KDM2A: variants seen among roughly 807,000 people sequenced by gnomAD.
KDM2A encodes lysine-specific demethylase 2A.
Under a neutral mutation model 137.3 loss-of-function variants are expected in KDM2A, and 3 were observed. That is an observed-to-expected ratio of 0.02 (90% CI 0.01 to 0.06). KDM2A has a LOEUF of 0.06. KDM2A is among the 10% of genes least tolerant of loss of function. The pLI, the probability that KDM2A is intolerant of heterozygous loss-of-function variation, is 1.00. For synonymous variants in KDM2A, 512 were observed against 541.5 expected, an observed-to-expected ratio of 0.95 and a Z score of 0.76; for missense variants, 738 against 1,510.6, an observed-to-expected ratio of 0.49 and a Z score of 8.48.
chr11:67,138,050 C>T (rs920879277), intron 2 of KDM2A, among the ~76,000 whole-genome samples: 2 of 152,120 alleles, frequency 1.3e-5, no homozygotes, highest in Admixed American at 1.3e-4. Context: ...CCTGCCTCAG[C>T]CTCCCAAAGT....
chr11:67,197,780 A>G (rs1857516215), intron 5 of KDM2A, among the ~76,000 whole-genome samples: 1 of 152,188 alleles, frequency 6.6e-6, no homozygotes, highest in African/African-American at 2.4e-5. Context: ...AGTGCTTAGA[A>G]CAGTGTCTGG....
At chr11:67,227,362 T>C (rs1402502733) in intron 10 of KDM2A, among the ~76,000 whole-genome samples, 1 of 152,178 alleles carries the variant, frequency 6.6e-6, no homozygotes, top group Non-Finnish European at 1.5e-5. Context: ...ATGTCCTGTT[T>C]TTCCATGAGA....
intron 10 of KDM2A, among the ~76,000 whole-genome samples, chr11:67,221,845 G>A (rs1858361357): frequency 6.6e-6 from 1 of 151,782 alleles, no homozygotes; most frequent in African/African-American, 2.4e-5. Flanking sequence ...TGAGGTGAGA[G>A]GATTGCTTGA....
chr11:67,181,717 T>A (rs1857095207), intron 4 of KDM2A, 129 bp from the exon 5 acceptor site: 4 of 718,714 alleles, frequency 5.6e-6, no homozygotes, highest in African/African-American at 1.8e-5. Context: ...CCTATATTTT[T>A]AAAATAATTT....
Position 67,245,375 on chromosome 11 carries a change from G to A in KDM2A, c.1750G>A (p.Val584Ile), listed in dbSNP as rs1426911656. The A allele has an allele frequency of 6.2e-7, 1 of 1,614,020 alleles. No individual in the cohort carries two copies. Among genetic ancestry groups the A allele is most frequent in the South Asian group, 1.1e-5 (1 of 91,086 alleles). The change falls in exon 14 of 21, where the codon GTT (valine) becomes ATT (isoleucine). Residue 584 changes from valine (V) to isoleucine (I), a missense_variant. Physicochemically the swap from Val to Ile is conservative, Grantham distance 29. Coordinates refer to ENST00000529006, the MANE Select transcript of KDM2A (RefSeq NM_012308.3). The surrounding 1 kb of genome is among the most constrained non-coding windows in gnomAD (Gnocchi z 4.1). ...CKACVQGECG[V>I]CHYCRDMKKF... ...AGCCTGTGTGCAAGGAGAGTGTGGT[G>A]TTTGCCACTACTGCAGAGACATGAA...
chr11:67,229,901 G>T (rs1306574685), intron 11 of KDM2A, among the ~76,000 whole-genome samples: 4 of 150,880 alleles, frequency 2.7e-5, no homozygotes, highest in Non-Finnish European at 5.9e-5. Context: ...TCTAGGCCGG[G>T]TGTGGTGGCT....
intron 2 of KDM2A, among the ~76,000 whole-genome samples, chr11:67,154,292 A>G (rs913404215): frequency 6.6e-6 from 1 of 152,220 alleles, no homozygotes; most frequent in Admixed American, 6.5e-5. Context: ...AAATTGAGGT[A>G]AAATTTGTGT....
In KDM2A at chr11:67,250,191, T is replaced by C. The variant is rs1263131795; in HGVS notation, c.2161T>C (p.Ser721Pro). 1.9e-6 allele frequency: 3 copies of C among 1,613,726 alleles called. No individual in the cohort carries two copies. The highest frequency in any genetic ancestry group is 2.5e-6 in the Non-Finnish European group (3 of 1,179,856). Reference sequence around the variant, plus strand: ...CACGCCCCCGCCTCATTCACCCACTTCCATGCTGCAGCTCATCCATGACCC... The same window carrying C: ...CACGCCCCCGCCTCATTCACCCACTCCCATGCTGCAGCTCATCCATGACCC... Reference protein sequence around the residue: ...PLTPPPHSPTSMLQLIHDPVS... With the variant: ...PLTPPPHSPTPMLQLIHDPVS... The change falls in exon 17 of 21, where the codon TCC becomes CCC. Residue 721 changes from serine (S) to proline (P), a missense_variant. By Grantham distance (74) the Ser-to-Pro change is moderately conservative. Around this residue, in one of 9 missense-constraint regions of KDM2A, gnomAD observed 244 missense variants for 324.6 expected, o/e 0.75. Transcript: ENST00000529006. This position sits in a 1 kb window ranked among gnomAD's most constrained non-coding sequence, Gnocchi z 7.1.
At chr11:67,193,662 A>G (rs1416930038) in intron 5 of KDM2A, among the ~76,000 whole-genome samples, 3 of 151,786 alleles carry the variant, frequency 2.0e-5, no homozygotes. Flanking sequence ...GGAGTTCGAG[A>G]CCAGCCTGAC....
chr11:67,153,306 T>G (rs1039116716), intron 2 of KDM2A, among the ~76,000 whole-genome samples: 3 of 152,112 alleles, frequency 2.0e-5, no homozygotes, highest in Non-Finnish European at 4.4e-5. Context: ...TATGCATGTT[T>G]ACAAGGACGT....
At chr11:67,145,549 A>ATT (rs534053760) in intron 2 of KDM2A, among the ~76,000 whole-genome samples, 135 of 148,544 alleles carry the variant, frequency 9.1e-4, no homozygotes, top group African/African-American at 3.3e-3. Context: ...GTAGCACCCC[A>ATT]TTTTTTTTTT....
chr11:67,208,663 C>T (rs576380380), intron 6 of KDM2A, among the ~76,000 whole-genome samples: 3 of 151,012 alleles, frequency 2.0e-5, no homozygotes, highest in East Asian at 2.0e-4. Flanking sequence ...TCCAGCTACT[C>T]GGGAGGCTGA....
At chr11:67,252,659 T>G in intron 17 of KDM2A, 35 bp from the exon 18 acceptor site, 3 of 1,612,902 alleles carry the variant, frequency 1.9e-6, no homozygotes, top group Non-Finnish European at 2.5e-6. Flanking sequence ...ACTGATCAAG[T>G]TAATGAAGGC....
chr11:67,215,556 G>C, intron 7 of KDM2A, 110 bp downstream of exon 7: 1 of 721,102 alleles, frequency 1.4e-6, no homozygotes, highest in Admixed American at 2.4e-5. Context: ...TGATTAAAAA[G>C]ATGAATTATT....
chr11:67,248,418 A>G, intron 16 of KDM2A, 48 bp downstream of exon 16: 1 of 1,289,256 alleles, frequency 7.8e-7, no homozygotes. Flanking sequence ...GGAGGCATCA[A>G]ATGTGGGGGA....
Position 67,250,075 on chromosome 11 carries a change from C to CT in KDM2A, c.2056-10dup. The CT allele has an allele frequency of 6.4e-7, 1 of 1,566,362 alleles. No individual in the cohort carries two copies. The highest frequency in any genetic ancestry group is 8.7e-7 in the Non-Finnish European group (1 of 1,155,966). ...AAGCACTGATGTTGCTTTTCTGGGCCTGTTTTGCAGAAGCGGAAAATGGAA... is the reference window on the plus strand; with the variant it reads ...AAGCACTGATGTTGCTTTTCTGGGCCTTGTTTTGCAGAAGCGGAAAATGGAA... On this transcript the variant is annotated splice_polypyrimidine_tract_variant and intron_variant, in intron 16 of 20. Coordinates refer to ENST00000529006, the MANE Select transcript of KDM2A (RefSeq NM_012308.3). This position sits in a 1 kb window ranked among gnomAD's most constrained non-coding sequence, Gnocchi z 7.1.
chr11:67,170,603 C>T (rs1325786120), intron 2 of KDM2A, among the ~76,000 whole-genome samples: 3 of 151,496 alleles, frequency 2.0e-5, no homozygotes, highest in Non-Finnish European at 2.9e-5. Context: ...TTAGTAGAAA[C>T]GGGGTTTCAC....
At chr11:67,170,408 C>CTTTTTTTTTTTTTTTT (rs923665021) in intron 2 of KDM2A, among the ~76,000 whole-genome samples, 1 of 92,840 alleles carries the variant, frequency 1.1e-5, no homozygotes, top group Non-Finnish European at 2.1e-5. Context: ...TTCTTTCTTT[C>CTTTTTTTTTTTTTTTT]TTTTTTTTTT....
Position 67,256,851 on chromosome 11 carries a change from A to C in KDM2A, c.*1796A>C, listed in dbSNP as rs1859631820. ...GCTGAATCTTTTGACTGCACCTTAC[A>C]AACAGCAGTCTGCTCCCATGACCCT... On this transcript the variant is annotated 3_prime_UTR_variant, in exon 21 of 21. Coordinates refer to ENST00000529006, the MANE Select transcript of KDM2A (RefSeq NM_012308.3). The C allele has an allele frequency of 6.6e-6, 1 of 152,636 alleles. No individual in the cohort carries two copies. Among genetic ancestry groups the C allele is most frequent in the South Asian group, 2.1e-4 (1 of 4,834 alleles). The allele number at this position is 152,636 out of a possible 1,614,324, so 9.5% of individuals were successfully genotyped here. A position where few individuals can be genotyped will look rare whatever the true frequency, so the allele number is the denominator to read the frequency against.
Sources: gnomAD v4.1 joint callset for allele counts (sites outside exome capture counted in the v4.1 genomes callset) on GRCh38, gnomAD v4.1.1 for gene constraint, gnomAD v4.1.1 regional missense constraint, Gnocchi (gnomAD v3.1) non-coding constraint, MANE v1.5 for transcripts, NCBI Gene and HGNC (gene_info 2026-07-23, HGNC 2026-07-21) for gene names.